ARAP3: variants seen among roughly 807,000 people sequenced by gnomAD.
The protein encoded by ARAP3 is arf-GAP with Rho-GAP domain, ANK repeat and PH domain-containing protein 3.
Under a neutral mutation model 169.2 loss-of-function variants are expected in ARAP3, and 82 were observed. The observed-to-expected ratio is 0.48, with a 90% CI of 0.41 to 0.58. The LOEUF is 0.58. ARAP3 is among the 20% of genes least tolerant of loss of function. The probability of loss-of-function intolerance (pLI) is 0.00; values close to 1 mark genes in which losing one functional copy is unlikely to be tolerated. For synonymous variants in ARAP3, 791 were observed against 800.3 expected, an observed-to-expected ratio of 0.99 and a Z score of 0.20; for missense variants, 1,764 against 2,018.0, an observed-to-expected ratio of 0.87 and a Z score of 2.41.
intron 16 of ARAP3, among the ~76,000 whole-genome samples, chr5:141,668,925 C>G (rs1373763051): frequency 6.6e-6 from 1 of 152,070 alleles, no homozygotes; most frequent in Non-Finnish European, 1.5e-5. Context: ...GACGCATTGT[C>G]AGGAGGGAAA....
rs2099909168 is a variant in ARAP3 at position 141,655,536 on chromosome 5, A to G, written c.4110+85T>C. ...GGGACAGTGAGCATAGGGTGGCACC[A>G]GGCTAGCAGGCACACCACTGCCTAC... On this transcript the variant is annotated intron_variant, in intron 31 of 32. Transcript: ENST00000239440. 3 of 1,604,806 alleles carry G rather than the reference A, an allele frequency of 1.9e-6. No individual in the cohort carries two copies. The East Asian group carries it at 6.7e-5, about 36-fold the overall frequency.
At chr5:141,666,859 C>A in intron 16 of ARAP3, 1 of 412,138 alleles carries the variant, frequency 2.4e-6, no homozygotes, top group Non-Finnish European at 4.3e-6. Context: ...AAATTCAATT[C>A]AATTCAATTC....
chr5:141,668,691 G>A (rs1010191556), intron 16 of ARAP3, among the ~76,000 whole-genome samples: 4 of 152,200 alleles, frequency 2.6e-5, no homozygotes, highest in Non-Finnish European at 4.4e-5. Context: ...GTGAGGAGTT[G>A]TAGGAGACCT....
chr5:141,671,530 A>AC lies in ARAP3; in HGVS notation c.1854+39dup, dbSNP rs753908525. On this transcript the variant is annotated intron_variant, in intron 12 of 32. Transcript: ENST00000239440. The surrounding 1 kb of genome is among the most constrained non-coding windows in gnomAD (Gnocchi z 4.9). ...TTCCAACTCCAGAGAGTGTTTCCTG[A>AC]CCCCCCCACCCCAGATCACCCCTGC... is the stretch of plus-strand genomic sequence containing the variant. The AC allele has an allele frequency of 5.2e-5, 84 of 1,609,658 alleles. No individual in the cohort carries two copies. The highest frequency in any genetic ancestry group is 5.1e-4 in the African/African-American group (38 of 74,296).
intron 29 of ARAP3, 39 bp downstream of exon 29, chr5:141,656,025 A>G: frequency 1.9e-6 from 3 of 1,614,064 alleles, no homozygotes; most frequent in Non-Finnish European, 2.5e-6. Flanking sequence ...CAGGGTGCAG[A>G]GGTGGGCCAG....
intron 25 of ARAP3, 59 bp from the exon 26 acceptor site, chr5:141,656,905 C>T: frequency 1.3e-6 from 2 of 1,550,670 alleles, no homozygotes; most frequent in South Asian, 1.2e-5. Context: ...AAGCCCCCAG[C>T]TCTCACCAGT....
At chr5:141,676,850 C>T (rs1414665784) in intron 4 of ARAP3, among the ~76,000 whole-genome samples, 3 of 152,136 alleles carry the variant, frequency 2.0e-5, no homozygotes, top group African/African-American at 2.4e-5. Context: ...TCTCCAGCTC[C>T]GACCTCTCTC....
chr5:141,656,796 A>G lies in ARAP3; in HGVS notation c.3577T>C (p.Cys1193Arg). The change falls in exon 26 of 33, where the codon TGC (cysteine) becomes CGC (arginine). Residue 1193 changes from cysteine to arginine, a missense_variant. By Grantham distance (180) the Cys-to-Arg change is radical. Coordinates refer to ENST00000239440, the MANE Select transcript of ARAP3 (RefSeq NM_022481.6). ...EKVLEQALQW[C>R]QLPEPCSASL... ...GCTGAGCAGGGCTCTGGGAGCTGGC[A>G]CCATTGTAAAGCCTGCTCTAAGACC... is the stretch of plus-strand genomic sequence containing the variant. 6.2e-7 allele frequency: 1 copy of G among 1,612,850 alleles called. No homozygotes were observed. Among genetic ancestry groups the G allele is most frequent in the Non-Finnish European group, 8.5e-7 (1 of 1,179,484 alleles).
intron 1 of ARAP3, 182 bp from the exon 2 acceptor site, chr5:141,680,685 A>G: frequency 1.0e-6 from 1 of 980,434 alleles, no homozygotes; most frequent in Admixed American, 3.2e-5. Flanking sequence ...TACTTAGGGA[A>G]GGGACTTCAT....
rs569621572 is a variant in ARAP3 at position 141,671,901 on chromosome 5, T to C, written c.1665A>G (p.Ile555Met). 3.1e-6 allele frequency: 5 copies of C among 1,614,158 alleles called. No homozygotes were observed. The East Asian group carries it at 1.1e-4, about 36-fold the overall frequency. Residue 555 changes from isoleucine to methionine, a missense_variant, in exon 11 of 33, where the codon ATA becomes ATG. This residue lies in a region of ARAP3 where 22 missense variants were observed against 53.6 expected (regional missense o/e 0.41). Coordinates refer to ENST00000239440, the MANE Select transcript of ARAP3 (RefSeq NM_022481.6). The surrounding 1 kb of genome is among the most constrained non-coding windows in gnomAD (Gnocchi z 4.9). ...KLDTSVWSNE[I>M]VQLFIVLGND... The stretch of plus-strand genomic sequence containing the variant: ...TCCCTCTTCGCCCGCTCACCTGTAC[T>C]ATCTCATTACTCCAGACACTCGTGT...
intron 4 of ARAP3, among the ~76,000 whole-genome samples, chr5:141,675,659 G>T (rs931440879): frequency 1.8e-4 from 27 of 151,708 alleles, no homozygotes; most frequent in Admixed American, 6.6e-5. Context: ...GGAGGCGGAG[G>T]TTGCAGTGAG....
chr5:141,659,633 G>T (rs7719761), intron 22 of ARAP3, 146 bp downstream of exon 22: 21 of 1,349,048 alleles, frequency 1.6e-5, no homozygotes, highest in Non-Finnish European at 1.8e-5. Context: ...GAGAAGAAGG[G>T]CCAGGGCTCT....
rs112356227 is a variant in ARAP3 at position 141,661,995 on chromosome 5, A to G, written c.3013+48T>C. ...CCAAACCATGGATTCTGGTGGGGGA[A>G]GGCAGAGATCCTGGTTGGGCCTTGG... On this transcript the variant is annotated intron_variant, in intron 20 of 32. Transcript: ENST00000239440. The G allele has an allele frequency of 7.5e-6, 12 of 1,604,914 alleles. No homozygotes were observed. The South Asian group carries it at 1.2e-4, about 16-fold the overall frequency.
rs912249880 is a variant in ARAP3, at chr5:141,655,414, G to A, written c.4111-14C>T. 2 of 1,587,802 alleles carry A rather than the reference G, an allele frequency of 1.3e-6. No homozygotes were observed. Among genetic ancestry groups the A allele is most frequent in the African/African-American group, 1.3e-5 (1 of 74,598 alleles). On this transcript the variant is annotated splice_polypyrimidine_tract_variant and intron_variant, in intron 31 of 32. Transcript: ENST00000239440. Reference sequence around the variant, plus strand: ...GTGTAGTCGCCGCTGGACACAGGTGGGGTGGGGACAAGGGGAAGGAAAGAC... The same window carrying A: ...GTGTAGTCGCCGCTGGACACAGGTGAGGTGGGGACAAGGGGAAGGAAAGAC...
Position 141,679,952 on chromosome 5 carries a change from A to G in ARAP3, c.524+11T>C, listed in dbSNP as rs769329429. On this transcript the variant is annotated intron_variant, in intron 2 of 32. Transcript: ENST00000239440. ...CCCAGCATCAGTCCCTAGGGAGCCA[A>G]CTCCACTCACTTGTCCTGAGCTGCC... is the stretch of plus-strand genomic sequence containing the variant. The G allele has an allele frequency of 3.7e-6, 6 of 1,613,660 alleles. No homozygotes were observed. Among genetic ancestry groups the G allele is most frequent in the Non-Finnish European group, 5.1e-6 (6 of 1,179,832 alleles).
In ARAP3 at chr5:141,671,363, T is replaced by C. The variant is rs2099911421; in HGVS notation, c.1892A>G (p.Lys631Arg). The C allele has an allele frequency of 6.2e-7, 1 of 1,613,414 alleles. No individual in the cohort carries two copies. The highest frequency in any genetic ancestry group is 1.7e-5 in the Admixed American group (1 of 59,914). Residue 631 changes from lysine to arginine, a missense_variant, in exon 13 of 33, where the codon AAG becomes AGG. Physicochemically the swap from Lys to Arg is conservative, Grantham distance 26. This residue lies in a region of ARAP3 where 1,112 missense variants were observed against 1,285.7 expected (regional missense o/e 0.86). Transcript: ENST00000239440. The surrounding 1 kb of genome is among the most constrained non-coding windows in gnomAD (Gnocchi z 4.9). ...AACACAGAGGAGCTGGGTCATGTTC[T>C]TCAGCAGGTTGGGTCTTGCCACAGC... is the stretch of plus-strand genomic sequence containing the variant. The part of the protein sequence containing the change: ...CAAVARPNLL[K>R]NMTQLLCVEA...
Position 141,665,061 on chromosome 5 carries a change from G to T in ARAP3, c.2661C>A (p.Gly887=). 1 of 1,613,306 alleles carries T rather than the reference G, an allele frequency of 6.2e-7. No individual in the cohort carries two copies. The highest frequency in any genetic ancestry group is 1.1e-5 in the South Asian group (1 of 90,978). Residue 887 remains glycine, a synonymous_variant, in exon 19 of 33, where the codon GGC becomes GGA. Coordinates refer to ENST00000239440, the MANE Select transcript of ARAP3 (RefSeq NM_022481.6). The part of the protein sequence containing the change: ...TGRTLYLQGE[G]RLDFTAWNAA... ...CGTTCCATGCCGTGAAGTCCAGCCG[G>T]CCCTCTCCTTGCAGATACAGGGTCC...
chr5:141,659,657 TG>T, intron 22 of ARAP3, 121 bp downstream of exon 22: 2 of 1,425,114 alleles, frequency 1.4e-6, no homozygotes, highest in Non-Finnish European at 1.9e-6. Flanking sequence ...AGGTAGTTCC[TG>T]GTATAGCTGG....
chr5:141,666,439 G>T lies in ARAP3; in HGVS notation c.2557C>A (p.Arg853=). Residue 853 remains arginine (R), a synonymous_variant, in exon 17 of 33, where the codon CGG becomes AGG. Coordinates refer to ENST00000239440, the MANE Select transcript of ARAP3 (RefSeq NM_022481.6). ...CCCCGCTTACTGATCTCCTGTAGCC[G>T]CCGCAGATGCACCATGTCCTCAGGG... ...PAPEDMVHLR[R]LQEISVVSAA... 4 of 1,584,130 alleles carry T rather than the reference G, an allele frequency of 2.5e-6. No homozygotes were observed. Among genetic ancestry groups the T allele is most frequent in the Non-Finnish European group, 3.4e-6 (4 of 1,164,752 alleles).
Sources: allele counts gnomAD v4.1 joint callset (sites outside exome capture counted in the v4.1 genomes callset), GRCh38; gene constraint gnomAD v4.1.1; regional missense constraint gnomAD v4.1.1; non-coding constraint Gnocchi (gnomAD v3.1); transcripts MANE v1.5; gene names NCBI Gene and HGNC (gene_info 2026-07-23, HGNC 2026-07-21).